SOX5: variants seen among roughly 807,000 people sequenced by gnomAD.
SOX5 encodes transcription factor SOX-5.
A neutral mutation model predicts 92.0 loss-of-function variants in SOX5; 9 were observed. That is an observed-to-expected ratio of 0.10 (90% CI 0.06 to 0.17). The LOEUF (loss-of-function observed/expected upper bound fraction) is 0.17. Among genes scored for constraint, SOX5 ranks in the 10% least tolerant of loss-of-function variants. The pLI is 1.00. For synonymous variants in SOX5, 344 were observed against 336.3 expected (o/e 1.02, Z -0.25); for missense variants, 642 against 944.5 (o/e 0.68, Z 4.20).
chr12:24,488,029 G>T (rs1597230109), intron 1 of SOX5, among the ~76,000 whole-genome samples: 1 of 152,246 alleles, frequency 6.6e-6, no homozygotes, highest in East Asian at 1.9e-4. Flanking sequence ...AAAACTATAT[G>T]ACTATTATTT....
chr12:23,640,774 C>T (rs374850115), intron 8 of SOX5, 38 bp downstream of exon 8: 2 of 1,469,606 alleles, frequency 1.4e-6, no homozygotes, highest in East Asian at 2.3e-5. Context: ...TCGATATTTA[C>T]TTAACCTTTG....
intron 3 of SOX5, among the ~76,000 whole-genome samples, chr12:24,267,013 G>A (rs1015737033): frequency 6.6e-6 from 1 of 152,026 alleles, no homozygotes; most frequent in Admixed American, 6.6e-5. Context: ...AATTCATATT[G>A]GTAATGGTAT....
At chr12:24,432,992 A>C (rs533025808) in intron 1 of SOX5, among the ~76,000 whole-genome samples, 134 of 152,334 alleles carry the variant, frequency 8.8e-4, no homozygotes, top group Non-Finnish European at 1.5e-3. Context: ...TTTTTAGCTC[A>C]GCAGTGATTT....
chr12:24,254,706 T>C (rs1013535546), intron 3 of SOX5, among the ~76,000 whole-genome samples: 9 of 99,314 alleles, frequency 9.1e-5, no homozygotes, highest in African/African-American at 2.7e-4. Flanking sequence ...TCTTTTTTCT[T>C]TGGGCTGCTC....
chr12:24,422,564 G>T (rs1966097657), intron 1 of SOX5, among the ~76,000 whole-genome samples: 1 of 152,190 alleles, frequency 6.6e-6, no homozygotes, highest in Non-Finnish European at 1.5e-5. Context: ...AGGGTTGTCT[G>T]CACAGTTTCA....
At chr12:23,972,418 T>C (rs1948445988) in intron 4 of SOX5, among the ~76,000 whole-genome samples, 1 of 152,146 alleles carries the variant, frequency 6.6e-6, no homozygotes, top group Non-Finnish European at 1.5e-5. Flanking sequence ...AGTGCAGTGG[T>C]GCAATCTCTG....
chr12:23,700,968 TACAA>T (rs2090551723), intron 6 of SOX5, among the ~76,000 whole-genome samples: 1 of 151,408 alleles, frequency 6.6e-6, no homozygotes. Flanking sequence ...TGTATATATA[TACAA>T]ACACACACAT....
At chr12:23,913,377 T>C (rs2097373301) in intron 1 of SOX5, among the ~76,000 whole-genome samples, 1 of 152,006 alleles carries the variant, frequency 6.6e-6, no homozygotes, top group Admixed American at 6.6e-5. Context: ...TTTTAGCTCC[T>C]TTTCTCTTTG....
chr12:24,349,994 T>G (rs1394259276), intron 2 of SOX5, among the ~76,000 whole-genome samples: 1 of 152,242 alleles, frequency 6.6e-6, no homozygotes, highest in Non-Finnish European at 1.5e-5. Context: ...CCTTTGCTCA[T>G]GCATTCATTT....
At chr12:23,885,703 T>A (rs1268956969) in intron 2 of SOX5, among the ~76,000 whole-genome samples, 1 of 152,188 alleles carries the variant, frequency 6.6e-6, no homozygotes, top group African/African-American at 2.4e-5. Context: ...GGGAAAATTT[T>A]AAAAAGCATT....
Position 24,335,555 on chromosome 12 carries a change from A to G in SOX5, c.-174+33008T>C, listed in dbSNP as rs138485772. On this transcript the variant is annotated intron_variant, in intron 2 of 4. Transcript: ENST00000446891. ...GGAGGTCCCTTATTAAGCATGTGAGACAAAGAAATTTGAACCCAGACAATT... is the reference window on the plus strand; with the variant it reads ...GGAGGTCCCTTATTAAGCATGTGAGGCAAAGAAATTTGAACCCAGACAATT... Among the ~76,000 whole-genome samples the G allele has an allele frequency of 1.9e-3, 290 of 152,306 alleles. 1 individual carries two copies. Among genetic ancestry groups the G allele is most frequent in the African/African-American group, 6.8e-3 (281 of 41,576 alleles).
chr12:24,267,594 CTT>C (rs1943182086), intron 3 of SOX5, among the ~76,000 whole-genome samples: 1 of 152,206 alleles, frequency 6.6e-6, no homozygotes, highest in Non-Finnish European at 1.5e-5. Context: ...TGTACTCTAA[CTT>C]TGCAGAAAGT....
At chr12:24,303,072 AAATGAG>A (rs1948165972) in intron 2 of SOX5, among the ~76,000 whole-genome samples, 1 of 152,212 alleles carries the variant, frequency 6.6e-6, no homozygotes, top group South Asian at 2.1e-4. Context: ...CAAGGCTTAC[AAATGAG>A]ACCATTTTTT....
intron 4 of SOX5, among the ~76,000 whole-genome samples, chr12:24,033,178 T>A (rs1207463568): frequency 2.0e-5 from 3 of 151,972 alleles, no homozygotes; most frequent in Non-Finnish European, 4.4e-5. Flanking sequence ...TAATTTGTTG[T>A]TATACATCTT....
intron 4 of SOX5, among the ~76,000 whole-genome samples, chr12:24,048,418 G>C (rs779380237): frequency 1.3e-5 from 2 of 152,096 alleles, no homozygotes; most frequent in East Asian, 3.9e-4. Flanking sequence ...TTATAAACAG[G>C]AGCAGTTCCT....
At chr12:23,813,719 A>C (rs578205465) in intron 3 of SOX5, among the ~76,000 whole-genome samples, 1 of 152,244 alleles carries the variant, frequency 6.6e-6, no homozygotes, top group South Asian at 2.1e-4. Flanking sequence ...TGCATGCTTG[A>C]ATTTTATTTA....
At chr12:23,883,193 C>A (rs578197072) in intron 2 of SOX5, among the ~76,000 whole-genome samples, 88 of 148,570 alleles carry the variant, frequency 5.9e-4, no homozygotes, top group African/African-American at 1.9e-3. Context: ...AAAAAAAAAA[C>A]CAGATACTGA....
chr12:23,975,280 T>C (rs1948776902), intron 4 of SOX5, among the ~76,000 whole-genome samples: 2 of 152,120 alleles, frequency 1.3e-5, no homozygotes, highest in African/African-American at 2.4e-5. Flanking sequence ...CTCGATACTA[T>C]AACAATAAAC....
intron 3 of SOX5, among the ~76,000 whole-genome samples, chr12:24,245,267 G>GTA (rs1200753647): frequency 1.5e-3 from 231 of 151,670 alleles, no homozygotes; most frequent in Non-Finnish European, 1.9e-3. Flanking sequence ...GTGTGTGTGT[G>GTA]TGTGTGTGCC....
Sources: gnomAD v4.1 joint callset for allele counts (sites outside exome capture counted in the v4.1 genomes callset) on GRCh38, gnomAD v4.1.1 for gene constraint, MANE v1.5 for transcripts, NCBI Gene and HGNC (gene_info 2026-07-23, HGNC 2026-07-21) for gene names.